The following ZNF423 variants were observed in gnomAD, a reference collection of about 807,000 sequenced individuals.
The protein encoded by ZNF423 is zinc finger protein 423, also known as Ebf-associated zinc finger protein.
A neutral mutation model predicts 95.8 loss-of-function variants in ZNF423; 12 were observed. The ratio of observed to expected loss-of-function variants is 0.13; its 90% CI spans 0.08 to 0.20. ZNF423 has a LOEUF of 0.20. Ranked by LOEUF, ZNF423 falls within the 10% of genes least tolerant of loss-of-function variation. The pLI is 1.00. For missense variants in ZNF423, 1,316 were observed against 1,737.1 expected (o/e 0.76, Z 4.31); for synonymous variants, 749 against 711.9 (o/e 1.05, Z -0.83).
intron 4 of ZNF423, 65 bp from the exon 5 acceptor site, chr16:49,626,319 G>T: frequency 6.7e-7 from 1 of 1,501,010 alleles, no homozygotes; most frequent in Non-Finnish European, 9.2e-7. Flanking sequence ...GAAAGCAAAA[G>T]TTCCTAGGGG....
At chr16:49,668,949 G>A (rs745581591) in intron 3 of ZNF423, among the ~76,000 whole-genome samples, 4 of 152,180 alleles carry the variant, frequency 2.6e-5, no homozygotes, top group Admixed American at 6.5e-5. Context: ...CTGAAGGGAC[G>A]TTTCTAGCTC....
chr16:49,496,748 G>A (rs1471863228), intron 7 of ZNF423, among the ~76,000 whole-genome samples: 1 of 152,224 alleles, frequency 6.6e-6, no homozygotes, highest in Non-Finnish European at 1.5e-5. Context: ...AGTGGTGTCT[G>A]TGCTGGTCTT....
chr16:49,834,747 C>G (rs928459140), intron 1 of ZNF423, among the ~76,000 whole-genome samples: 2 of 152,210 alleles, frequency 1.3e-5, no homozygotes, highest in East Asian at 3.9e-4. Context: ...GGGGCCGGGC[C>G]GGCTCAGCCT....
intron 3 of ZNF423, among the ~76,000 whole-genome samples, chr16:49,702,200 C>T (rs2032203198): frequency 1.3e-5 from 2 of 152,198 alleles, no homozygotes; most frequent in Non-Finnish European, 2.9e-5. Flanking sequence ...ACAGATTGCT[C>T]AGTGAAGTGT....
At chr16:49,660,284 A>AATGG (rs544389788) in intron 3 of ZNF423, among the ~76,000 whole-genome samples, 3 of 152,284 alleles carry the variant, frequency 2.0e-5, no homozygotes, top group East Asian at 3.9e-4. Context: ...TAAATGAATA[A>AATGG]ATGGATGGAT....
At chr16:49,516,272 G>A (rs994702033) in intron 7 of ZNF423, among the ~76,000 whole-genome samples, 15 of 152,230 alleles carry the variant, frequency 9.9e-5, no homozygotes, top group African/African-American at 3.6e-4. Context: ...GCCACACAAG[G>A]AAGGACTTGG....
chr16:49,789,669 G>A, intron 1 of ZNF423, 123 bp from the exon 2 acceptor site: 1 of 870,386 alleles, frequency 1.1e-6, no homozygotes, highest in Non-Finnish European at 1.7e-6. Flanking sequence ...ATCACCAGGG[G>A]AGAGGGGGCA....
intron 5 of ZNF423, among the ~76,000 whole-genome samples, chr16:49,556,577 C>A (rs1364194310): frequency 1.3e-5 from 2 of 152,154 alleles, no homozygotes; most frequent in Non-Finnish European, 2.9e-5. Flanking sequence ...AAACTGAGAC[C>A]TCCACAGACT....
upstream of ZNF423, among the ~76,000 whole-genome samples, chr16:49,858,901 C>T (rs1567375523): frequency 6.6e-6 from 1 of 152,160 alleles, no homozygotes; most frequent in Non-Finnish European, 1.5e-5. The surrounding 1 kb of genome is among the most constrained non-coding windows in gnomAD (Gnocchi z 4.3). Context: ...GAGTGGCTGA[C>T]AGGCGGCAGA....
At chr16:49,672,436 G>A (rs553338230) in intron 3 of ZNF423, among the ~76,000 whole-genome samples, 10 of 152,164 alleles carry the variant, frequency 6.6e-5, no homozygotes, top group South Asian at 6.2e-4. Context: ...GCAGCAGGGC[G>A]GAAACCATGG....
chr16:49,721,377 A>G (rs1211205691), intron 3 of ZNF423, among the ~76,000 whole-genome samples: 1 of 152,174 alleles, frequency 6.6e-6, no homozygotes. Flanking sequence ...GTATGGTATC[A>G]CTGCTTGCTG....
intron 7 of ZNF423, among the ~76,000 whole-genome samples, chr16:49,503,598 G>A (rs992403579): frequency 1.3e-5 from 2 of 152,094 alleles, no homozygotes; most frequent in Non-Finnish European, 2.9e-5. Context: ...CTTCCTGTCC[G>A]CTGACCACAG....
At chr16:49,673,159 G>A (rs942537157) in intron 3 of ZNF423, among the ~76,000 whole-genome samples, 1 of 152,204 alleles carries the variant, frequency 6.6e-6, no homozygotes, top group South Asian at 2.1e-4. Context: ...CACAGCCCCA[G>A]GCCAGGAGAA....
intron 5 of ZNF423, among the ~76,000 whole-genome samples, chr16:49,569,027 C>T (rs1970278432): frequency 6.6e-6 from 1 of 152,134 alleles, no homozygotes; most frequent in Admixed American, 6.5e-5. Flanking sequence ...CCCAGAACAA[C>T]ATCCCTCCGA....
rs1966940651 is a variant in ZNF423 at position 49,491,146 on chromosome 16, A to G, written c.*129T>C. 7.3e-6 allele frequency: 8 copies of G among 1,101,086 alleles called. No homozygotes were observed. The highest frequency in any genetic ancestry group is 8.3e-6 in the Non-Finnish European group (6 of 719,056). 68.2% of individuals were successfully genotyped at this position (1,101,086 alleles called of 1,614,324 possible). ...CAGCTGCTTATAATAGCAGCGCCTCATGGCCAAATCATTAGAGTTTTACAT... is the reference window on the plus strand; with the variant it reads ...CAGCTGCTTATAATAGCAGCGCCTCGTGGCCAAATCATTAGAGTTTTACAT... On this transcript the variant is annotated 3_prime_UTR_variant, in exon 8 of 8. Transcript: ENST00000563137.
chr16:49,858,726 C>A (rs1004827337), upstream of ZNF423, among the ~76,000 whole-genome samples: 1 of 143,718 alleles, frequency 7.0e-6, no homozygotes, highest in South Asian at 2.2e-4. The surrounding 1 kb of genome is among the most constrained non-coding windows in gnomAD (Gnocchi z 4.3). Context: ...AGCCCCCCCC[C>A]CCACGCCCCC....
intron 3 of ZNF423, among the ~76,000 whole-genome samples, chr16:49,644,555 T>G (rs1973101653): frequency 6.8e-6 from 1 of 147,808 alleles, no homozygotes; most frequent in Non-Finnish European, 1.5e-5. Flanking sequence ...CCCAGCCACT[T>G]GGGAGGCCGA....
chr16:49,651,173 AC>A (rs1445169998), intron 3 of ZNF423, among the ~76,000 whole-genome samples: 2 of 149,602 alleles, frequency 1.3e-5, no homozygotes, highest in Non-Finnish European at 3.0e-5. Flanking sequence ...GGTGCGTGCC[AC>A]CATGCCTGGC....
chr16:49,656,628 T>G (rs2029888739), intron 3 of ZNF423, among the ~76,000 whole-genome samples: 1 of 152,206 alleles, frequency 6.6e-6, no homozygotes, highest in South Asian at 2.1e-4. Context: ...AACTCTGAGC[T>G]TAGACCAACT....
Sources: gnomAD v4.1 joint callset for allele counts (sites outside exome capture counted in the v4.1 genomes callset) on GRCh38, gnomAD v4.1.1 for gene constraint, Gnocchi (gnomAD v3.1) non-coding constraint, MANE v1.5 for transcripts, NCBI Gene and HGNC (gene_info 2026-07-23, HGNC 2026-07-21) for gene names.